PPFIBP1: variants seen among roughly 807,000 people sequenced by gnomAD.
PPFIBP1 encodes PPFIB scaffold protein 1, also known as liprin-beta-1.
A neutral mutation model predicts 137.8 loss-of-function variants in PPFIBP1; 112 were observed. The ratio of observed to expected loss-of-function variants is 0.81; its 90% CI spans 0.70 to 0.95. The LOEUF is 0.95. Among genes scored for constraint, PPFIBP1 ranks in the 40% least tolerant of loss-of-function variants. The pLI, the probability that PPFIBP1 is intolerant of heterozygous loss-of-function variation, is 0.00. For synonymous variants in PPFIBP1, 378 were observed against 417.3 expected, an observed-to-expected ratio of 0.91 and a Z score of 1.15; for missense variants, 1,083 against 1,196.6, an observed-to-expected ratio of 0.91 and a Z score of 1.40.
chr12:27,676,009 TTATAA>T (rs1383133250), intron 17 of PPFIBP1, among the ~76,000 whole-genome samples: 23 of 152,196 alleles, frequency 1.5e-4, no homozygotes, highest in African/African-American at 5.5e-4. Context: ...ATTGACAAAG[TTATAA>T]TATAAGAATA....
intron 1 of PPFIBP1, among the ~76,000 whole-genome samples, chr12:27,567,964 T>C (rs1400676420): frequency 6.6e-6 from 1 of 152,186 alleles, no homozygotes; most frequent in Non-Finnish European, 1.5e-5. Context: ...ACTCCTGGGC[T>C]CAAGCAATCC....
At chr12:27,673,877 C>A (rs1352619798) in intron 16 of PPFIBP1, 50 bp downstream of exon 16, 2 of 1,441,746 alleles carry the variant, frequency 1.4e-6, no homozygotes, top group South Asian at 2.4e-5. Context: ...TGAGAAAAAA[C>A]TATTTAGGGA....
chr12:27,620,009 A>G lies in PPFIBP1; in HGVS notation c.-35-13353A>G, dbSNP rs138073883. On this transcript the variant is annotated intron_variant, in intron 2 of 29. Transcript: ENST00000228425. ...ACACGCACATATTTACTATGTGTGTATTCACACATACATACATAGCTAGTG... is the reference window on the plus strand; with the variant it reads ...ACACGCACATATTTACTATGTGTGTGTTCACACATACATACATAGCTAGTG... 4.7e-3 allele frequency among the ~76,000 whole-genome samples: 721 copies of G among 152,100 alleles called. 7 individuals are homozygous for G. The highest frequency in any genetic ancestry group is 0.017 in the African/African-American group (686 of 41,472).
At chr12:27,647,548 T>A (rs575106739) in intron 5 of PPFIBP1, among the ~76,000 whole-genome samples, 181 bp from the exon 6 acceptor site, 77 of 152,296 alleles carry the variant, frequency 5.1e-4, no homozygotes, top group South Asian at 2.9e-3. Flanking sequence ...TTAAATCAAA[T>A]AGCAACATAT....
At chr12:27,564,015 G>GGCGC (rs1473537264) in intron 1 of PPFIBP1, among the ~76,000 whole-genome samples, 1 of 152,024 alleles carries the variant, frequency 6.6e-6, no homozygotes, top group African/African-American at 2.4e-5. Flanking sequence ...TGGGACTACA[G>GGCGC]GTGCGTGCCA....
At chr12:27,563,434 G>A (rs2049349463) in intron 1 of PPFIBP1, among the ~76,000 whole-genome samples, 2 of 147,624 alleles carry the variant, frequency 1.4e-5, no homozygotes, top group South Asian at 4.5e-4. Flanking sequence ...TCCAGTCTGG[G>A]CAACAGAGCG....
At chr12:27,571,174 C>A (rs537642851) in intron 1 of PPFIBP1, among the ~76,000 whole-genome samples, 1 of 152,104 alleles carries the variant, frequency 6.6e-6, no homozygotes, top group South Asian at 2.1e-4. Flanking sequence ...CTCCTGTAAC[C>A]TGGTTCTGCT....
At chr12:27,596,405 G>A (rs563454843) in intron 2 of PPFIBP1, among the ~76,000 whole-genome samples, 1 of 152,200 alleles carries the variant, frequency 6.6e-6, no homozygotes, top group Non-Finnish European at 1.5e-5. Context: ...ATGCAGCCTG[G>A]CAGGTACCCA....
At chr12:27,623,358 A>G (rs1012077969) in intron 2 of PPFIBP1, among the ~76,000 whole-genome samples, 3 of 152,196 alleles carry the variant, frequency 2.0e-5, no homozygotes, top group African/African-American at 7.2e-5. Context: ...AAGATTGTGG[A>G]TAGCAAGGCT....
At chr12:27,583,248 C>G (rs781510631) in intron 2 of PPFIBP1, among the ~76,000 whole-genome samples, 2 of 152,118 alleles carry the variant, frequency 1.3e-5, no homozygotes, top group Non-Finnish European at 2.9e-5. Flanking sequence ...TTATCTCAAC[C>G]TTGGGGAAGA....
chr12:27,606,429 T>C (rs1002744810), intron 2 of PPFIBP1, among the ~76,000 whole-genome samples: 1 of 152,238 alleles, frequency 6.6e-6, no homozygotes, highest in Non-Finnish European at 1.5e-5. Context: ...GCTCTACGAC[T>C]GTGTGTTAGT....
chr12:27,529,618 C>T (rs867377982), intron 1 of PPFIBP1, among the ~76,000 whole-genome samples: 2 of 152,200 alleles, frequency 1.3e-5, no homozygotes, highest in African/African-American at 2.4e-5. Flanking sequence ...TGCTTGAAGC[C>T]GGGAGGCGGA....
chr12:27,677,988 ACAACTATTTT>A (rs765850004), intron 19 of PPFIBP1: 2 of 152,246 alleles, frequency 1.3e-5, no homozygotes, highest in Admixed American at 6.5e-5. Context: ...ATCTGTTCAG[ACAACTATTTT>A]CAAATAGTTT....
chr12:27,692,706 A>C, intron 29 of PPFIBP1, 50 bp downstream of exon 29: 1 of 1,614,002 alleles, frequency 6.2e-7, no homozygotes, highest in Non-Finnish European at 8.5e-7. Context: ...TGTCTTTTAT[A>C]ACAACCCCAA....
Position 27,671,466 on chromosome 12 carries a change from A to G in PPFIBP1, c.1182A>G (p.Ser394=), listed in dbSNP as rs1201463628. ...HTTILQVSIP[S]LLPATVSMET... Reference sequence around the variant, plus strand: ...CCATCTTGCAAGTTTCCATCCCTTCATTATTGCCAGCAACTGTAAGCATGG... The same window carrying G: ...CCATCTTGCAAGTTTCCATCCCTTCGTTATTGCCAGCAACTGTAAGCATGG... The change falls in exon 14 of 30, where the codon TCA becomes TCG. Residue 394 remains serine (S), a synonymous_variant. Coordinates refer to ENST00000228425, the MANE Select transcript of PPFIBP1 (RefSeq NM_003622.4). 3 of 1,600,650 alleles carry G rather than the reference A, an allele frequency of 1.9e-6. No individual in the cohort carries two copies. Among genetic ancestry groups the G allele is most frequent in the South Asian group, 2.3e-5 (2 of 88,550 alleles).
At chr12:27,633,249 T>C in intron 2 of PPFIBP1, 113 bp from the exon 3 acceptor site, 3 of 703,528 alleles carry the variant, frequency 4.3e-6, no homozygotes, top group South Asian at 1.8e-5. Flanking sequence ...ACTACTGAAG[T>C]TCTTCTTCCA....
intron 2 of PPFIBP1, among the ~76,000 whole-genome samples, chr12:27,627,826 C>A (rs1439990268): frequency 8.8e-6 from 1 of 113,056 alleles, no homozygotes; most frequent in African/African-American, 3.4e-5. Flanking sequence ...CACCCCCCGC[C>A]CCGGTTTAGT....
At chr12:27,648,549 C>T (rs1423596425) in intron 6 of PPFIBP1, among the ~76,000 whole-genome samples, 11 of 152,142 alleles carry the variant, frequency 7.2e-5, no homozygotes, top group African/African-American at 2.6e-4. Flanking sequence ...ATCTGTGCTC[C>T]CGAGTTTGCT....
In PPFIBP1 at chr12:27,681,670, C is replaced by T; in HGVS notation, c.2020C>T (p.Gln674Ter). Residue 674 changes from glutamine (Q) to a stop codon, truncating the protein, a stop_gained, in exon 22 of 30, where the codon CAG (glutamine) becomes TAG (stop). Coordinates refer to ENST00000228425, the MANE Select transcript of PPFIBP1 (RefSeq NM_003622.4). LOFTEE classifies it high-confidence loss of function. ...HWIASGQTLL[Q>*]ASQQDLEKEL... ...GATTGCATCTGGCCAAACGCTTTTG[C>T]AGGCTTCTCAACAAGATCTAGAGAA... 1 of 1,614,142 alleles carries T rather than the reference C, an allele frequency of 6.2e-7. No individual in the cohort carries two copies. Among genetic ancestry groups the T allele is most frequent in the Non-Finnish European group, 8.5e-7 (1 of 1,180,002 alleles).
Sources: allele counts gnomAD v4.1 joint callset (sites outside exome capture counted in the v4.1 genomes callset), GRCh38; gene constraint gnomAD v4.1.1; transcripts MANE v1.5; gene names NCBI Gene and HGNC (gene_info 2026-07-23, HGNC 2026-07-21).